RPS17: variants seen among roughly 807,000 people sequenced by gnomAD.
RPS17 encodes small ribosomal subunit protein eS17.
For missense variants in RPS17, 68 were observed against 182.3 expected (o/e 0.37, Z 3.61); for synonymous variants, 75 against 65.6 (o/e 1.14, Z -0.70).
intron 2 of RPS17, chr15:82,539,688 CAAAAAAAAA>C (rs1282817461): frequency 2.5e-6 from 1 of 406,608 alleles, no homozygotes; most frequent in Admixed American, 4.0e-5. Flanking sequence ...GATTCCGTCT[CAAAAAAAAA>C]AGAAAAAAAA....
At chr15:82,538,743 C>T in intron 3 of RPS17, 137 bp downstream of exon 3, 1 of 902,526 alleles carries the variant, frequency 1.1e-6, no homozygotes, top group Non-Finnish European at 1.9e-6. Context: ...TGGTAGGGGG[C>T]CTATGGGCAC....
At chr15:82,537,909 G>A in intron 4 of RPS17, 1 of 457,950 alleles carries the variant, frequency 2.2e-6, no homozygotes, top group Non-Finnish European at 4.4e-6. Context: ...CCTAAGTAGT[G>A]CCTTGTATGT....
intron 1 of RPS17, 137 bp downstream of exon 1, chr15:82,540,289 C>T (rs368741966): frequency 1.9e-5 from 31 of 1,590,768 alleles, no homozygotes; most frequent in East Asian, 1.8e-4. Context: ...AATGCGGAAG[C>T]CGCCGGCCCG....
At chr15:82,540,164 G>C in intron 1 of RPS17, 32 bp from the exon 2 acceptor site, 1 of 1,613,666 alleles carries the variant, frequency 6.2e-7, no homozygotes, top group Non-Finnish European at 8.5e-7. Context: ...TCACTCACGA[G>C]CCAGCGCAAC....
chr15:82,538,086 C>CT (rs1367335004), intron 4 of RPS17: 1 of 607,792 alleles, frequency 1.6e-6, no homozygotes, highest in Admixed American at 2.2e-5. Context: ...AAAAGGTGTC[C>CT]TGGAAGCCAC....
rs957358254 is a variant in RPS17 at position 82,538,156 on chromosome 15, C to A, written c.327+150G>T. The A allele has an allele frequency of 9.5e-5, 76 of 798,972 alleles. 1 individual carries two copies. In the East Asian group the frequency reaches 2.0e-3, roughly 21 times the overall value. The allele number at this position is 798,972 out of a possible 1,614,324, so 49.5% of individuals were successfully genotyped here. On this transcript the variant is annotated intron_variant, in intron 4 of 4. Coordinates refer to ENST00000647841, the MANE Select transcript of RPS17 (RefSeq NM_001021.6). ...CTCAATGCACACAACTTCCGCTACA[C>A]CCCTTATGAAAGCAGTCCAGTTTAG...
At chr15:82,537,925 G>C in intron 4 of RPS17, 5 of 459,088 alleles carry the variant, frequency 1.1e-5, no homozygotes, top group South Asian at 7.7e-5. Context: ...TATGTACCTG[G>C]AAATGGACCA....
At chr15:82,539,880 G>A (rs889974860) in intron 2 of RPS17, 101 bp downstream of exon 2, 8 of 1,583,808 alleles carry the variant, frequency 5.1e-6, no homozygotes, top group East Asian at 4.5e-5. Context: ...GGAGTCTCAG[G>A]CTAACGAAAC....
At chr15:82,537,658 C>G in intron 4 of RPS17, 1 of 356,044 alleles carries the variant, frequency 2.8e-6, no homozygotes, top group South Asian at 2.2e-5. Context: ...AAGAAAAGAC[C>G]CACAGCGGGG....
At chr15:82,540,353 G>C in intron 1 of RPS17, 73 bp downstream of exon 1, 1 of 1,583,702 alleles carries the variant, frequency 6.3e-7, no homozygotes, top group Admixed American at 1.9e-5. Flanking sequence ...GCCTCTCTGT[G>C]GGCTGAGGAC....
intron 4 of RPS17, chr15:82,537,647 G>C: frequency 2.8e-6 from 1 of 356,542 alleles, no homozygotes; most frequent in East Asian, 7.3e-5. Context: ...GTTATTTCAG[G>C]AAGAAAAGAC....
intron 4 of RPS17, chr15:82,537,718 G>A (rs1010852993): frequency 1.8e-5 from 7 of 384,988 alleles, no homozygotes; most frequent in Non-Finnish European, 3.0e-5. Flanking sequence ...GTACATGTGA[G>A]TTCATTTTGC....
At chr15:82,539,069 A>T (rs1314223246) in intron 2 of RPS17, 84 bp from the exon 3 acceptor site, 6 of 1,319,810 alleles carry the variant, frequency 4.5e-6, no homozygotes, top group Non-Finnish European at 6.6e-6. Flanking sequence ...ATATATAAAT[A>T]CCCGCTTTAG....
chr15:82,538,016 T>A (rs2034270720), intron 4 of RPS17: 1 of 496,096 alleles, frequency 2.0e-6, no homozygotes, highest in Non-Finnish European at 4.0e-6. Context: ...CAGCCAGGGC[T>A]GACACAAAGG....
At chr15:82,537,560 T>C (rs1482281526) in intron 4 of RPS17, 2 of 329,102 alleles carry the variant, frequency 6.1e-6, no homozygotes, top group Admixed American at 9.1e-5. Flanking sequence ...GCCCAACTTA[T>C]ACCTGGAACT....
chr15:82,538,377 A>G lies in RPS17; in HGVS notation c.262-6T>C. 2 of 1,612,062 alleles carry G rather than the reference A, an allele frequency of 1.2e-6. No homozygotes were observed. Among genetic ancestry groups the G allele is most frequent in the Non-Finnish European group, 1.7e-6 (2 of 1,179,682 alleles). On this transcript the variant is annotated splice_region_variant and splice_polypyrimidine_tract_variant and intron_variant, in intron 3 of 4. Transcript: ENST00000647841. ...TCCTGATCCAAGGCTGAGACCTACAAGGAAACGAGGTAGGGTCAAAATACC... is the reference window on the plus strand; with the variant it reads ...TCCTGATCCAAGGCTGAGACCTACAGGGAAACGAGGTAGGGTCAAAATACC...
At chr15:82,540,361 G>A (rs1346195046) in intron 1 of RPS17, 65 bp downstream of exon 1, 2 of 1,585,500 alleles carry the variant, frequency 1.3e-6, no homozygotes, top group South Asian at 2.3e-5. Flanking sequence ...GTGGGCTGAG[G>A]ACCGCGGGAA....
chr15:82,539,162 TC>T (rs1270543286), intron 2 of RPS17, 177 bp from the exon 3 acceptor site: 5 of 726,304 alleles, frequency 6.9e-6, no homozygotes, highest in East Asian at 5.3e-5. Context: ...GAGCATTCCT[TC>T]CCCTTGGTTT....
rs994746422 is a variant in RPS17 at position 82,537,860 on chromosome 15, G to A, written c.327+446C>T. On this transcript the variant is annotated intron_variant, in intron 4 of 4. Transcript: ENST00000647841. ...TGCAAAAGGACTAAGATAAGCCATA[G>A]AAAAAACATCAAAGTGCAATGAAGA... 36 of 456,126 alleles carry A rather than the reference G, an allele frequency of 7.9e-5. No homozygotes were observed. The East Asian group carries it at 2.4e-3, about 31-fold the overall frequency. The allele number at this position is 456,126 out of a possible 1,614,324, so 28.3% of individuals were successfully genotyped here. A position where few individuals can be genotyped will look rare whatever the true frequency, so the allele number is the denominator to read the frequency against.
Sources: gnomAD v4.1 joint callset for allele counts on GRCh38, gnomAD v4.1.1 for gene constraint, MANE v1.5 for transcripts, NCBI Gene and HGNC (gene_info 2026-07-23, HGNC 2026-07-21) for gene names.